CDK8: variants seen among roughly 807,000 people sequenced by gnomAD.
CDK8 encodes the protein cyclin dependent kinase 8, also known as cyclin-dependent kinase 8.
A neutral mutation model predicts 71.5 loss-of-function variants in CDK8; 29 were observed. The ratio of observed to expected loss-of-function variants is 0.41; its 90% CI spans 0.30 to 0.55. The LOEUF (loss-of-function observed/expected upper bound fraction) is 0.55, where lower values mean the gene tolerates loss of function less well. Ranked by LOEUF, CDK8 falls within the 20% of genes least tolerant of loss-of-function variation. The pLI is 0.37. For synonymous variants in CDK8, 161 were observed against 192.1 expected (o/e 0.84, Z 1.34); for missense variants, 288 against 572.6 (o/e 0.50, Z 5.07).
chr13:26,383,275 T>G (rs1875319266), intron 5 of CDK8, among the ~76,000 whole-genome samples: 1 of 152,204 alleles, frequency 6.6e-6, no homozygotes, highest in Non-Finnish European at 1.5e-5. Flanking sequence ...GTTGACCTCG[T>G]CTAGATTAGG....
chr13:26,290,440 T>G (rs1873240469), intron 1 of CDK8, among the ~76,000 whole-genome samples: 1 of 152,150 alleles, frequency 6.6e-6, no homozygotes, highest in East Asian at 1.9e-4. Context: ...CTCACCTGAT[T>G]ATAGTATGCT....
chr13:26,376,335 ATTCAGCCTTCTAGTC>A (rs1440204722), intron 4 of CDK8, among the ~76,000 whole-genome samples: 3 of 152,152 alleles, frequency 2.0e-5, no homozygotes, highest in Admixed American at 2.0e-4. Flanking sequence ...CCTTGATGTT[ATTCAGCCTTCTAGTC>A]TTCAGCTTAG....
chr13:26,305,102 A>C (rs1565965023), intron 1 of CDK8, among the ~76,000 whole-genome samples: 2 of 151,958 alleles, frequency 1.3e-5, no homozygotes, highest in African/African-American at 4.8e-5. Flanking sequence ...TCCTTTTTGG[A>C]ATTATTTTTT....
chr13:26,310,600 T>C (rs1874238631), intron 1 of CDK8, among the ~76,000 whole-genome samples: 1 of 152,132 alleles, frequency 6.6e-6, no homozygotes, highest in South Asian at 2.1e-4. Flanking sequence ...TATGAGAATC[T>C]AATGTCGCTA....
chr13:26,381,043 C>T (rs1875201963), intron 4 of CDK8, among the ~76,000 whole-genome samples: 1 of 152,062 alleles, frequency 6.6e-6, no homozygotes, highest in Admixed American at 6.5e-5. Context: ...GAAAATGACC[C>T]TGGCAGCAGG....
rs1175385651 is a variant in CDK8 at position 26,404,463 on chromosome 13, C to G, written c.*382C>G. 3.8e-6 allele frequency: 1 copy of G among 262,552 alleles called. No individual in the cohort carries two copies. Among genetic ancestry groups the G allele is most frequent in the Non-Finnish European group, 7.4e-6 (1 of 135,398 alleles). The allele number at this position is 262,552 out of a possible 1,614,324, so 16.3% of individuals were successfully genotyped here. On this transcript the variant is annotated 3_prime_UTR_variant, in exon 13 of 13. Coordinates refer to ENST00000381527, the MANE Select transcript of CDK8 (RefSeq NM_001260.3). Reference sequence around the variant, plus strand: ...TTTTCAGTGTAACAACATTATCTGACCAATAGTACACACACAGACACAAAG... The same window carrying G: ...TTTTCAGTGTAACAACATTATCTGAGCAATAGTACACACACAGACACAAAG...
rs1874021988 is a variant in CDK8 at position 26,359,119 on chromosome 13, A to T, written c.456+5239A>T. ...GACATTATACTAAGTGAAATAAGCT[A>T]GTCACAAAAGGATAAGTACCATATG... On this transcript the variant is annotated intron_variant, in intron 4 of 12. Coordinates refer to ENST00000381527, the MANE Select transcript of CDK8 (RefSeq NM_001260.3). 3.0e-5 allele frequency: 6 copies of T among 201,576 alleles called. 1 individual carries two copies. The South Asian group carries it at 4.0e-4, about 13-fold the overall frequency. The allele number at this position is 201,576 out of a possible 1,614,324, so 12.5% of individuals were successfully genotyped here.
At chr13:26,386,152 C>A (rs1162384381) in intron 6 of CDK8, among the ~76,000 whole-genome samples, 1 of 152,170 alleles carries the variant, frequency 6.6e-6, no homozygotes, top group Non-Finnish European at 1.5e-5. Flanking sequence ...CCCCTACCAA[C>A]CTCTCAATCT....
intron 1 of CDK8, among the ~76,000 whole-genome samples, chr13:26,285,488 AC>A (rs1872967069): frequency 1.3e-5 from 2 of 152,338 alleles, no homozygotes; most frequent in Admixed American, 6.5e-5. Flanking sequence ...GAAGGGAGAT[AC>A]CTCGAAGTAA....
intron 1 of CDK8, among the ~76,000 whole-genome samples, chr13:26,301,101 A>C (rs147702495): frequency 4.6e-5 from 7 of 151,568 alleles, no homozygotes; most frequent in Middle Eastern, 3.2e-3. Context: ...AGTCCTTTTC[A>C]CTTCTGCAGC....
chr13:26,308,074 A>G (rs793127), intron 1 of CDK8, among the ~76,000 whole-genome samples: 151,978 of 152,378 alleles, frequency 1, 75,791 homozygotes, highest in Middle Eastern at 1. Context: ...TTTATTTCTG[A>G]CTTATCCTTA....
At chr13:26,320,657 TAGAG>T (rs1874732066) in intron 1 of CDK8, among the ~76,000 whole-genome samples, 1 of 152,026 alleles carries the variant, frequency 6.6e-6, no homozygotes, top group Non-Finnish European at 1.5e-5. Flanking sequence ...CCAGAATAAA[TAGAG>T]AGCTCCTGGA....
intron 2 of CDK8, among the ~76,000 whole-genome samples, chr13:26,338,026 A>G (rs903280340): frequency 2.0e-5 from 3 of 152,056 alleles, no homozygotes; most frequent in African/African-American, 7.2e-5. Flanking sequence ...AGGTTGTATT[A>G]TTTGATTTTC....
At position 26,286,843 on chromosome 13, in the gene CDK8, C is replaced by T. The variant is rs145619898; in HGVS notation, c.128+32074C>T. ...ATCCCATCAAAAAGTGGGCAAGGGA[C>T]ATGAATAGACAGTTCTCAAAAGAAA... On this transcript the variant is annotated intron_variant, in intron 1 of 12. Transcript: ENST00000381527. 4.0e-3 allele frequency among the ~76,000 whole-genome samples: 605 copies of T among 152,210 alleles called. 7 individuals carry two copies. The highest frequency in any genetic ancestry group is 0.014 in the African/African-American group (570 of 41,522).
intron 1 of CDK8, among the ~76,000 whole-genome samples, chr13:26,336,043 G>A (rs910155874): frequency 9.9e-5 from 15 of 152,060 alleles, no homozygotes; most frequent in South Asian, 4.2e-4. Flanking sequence ...ATCTCTAGTT[G>A]TATACAGTAT....
At chr13:26,347,144 A>AT (rs1270440018) in intron 2 of CDK8, among the ~76,000 whole-genome samples, 15 of 152,132 alleles carry the variant, frequency 9.9e-5, no homozygotes, top group Non-Finnish European at 8.8e-5. Flanking sequence ...TTGTTAGGCC[A>AT]CTTTGGTTAT....
At chr13:26,341,489 A>G (rs1339777951) in intron 2 of CDK8, among the ~76,000 whole-genome samples, 1 of 152,186 alleles carries the variant, frequency 6.6e-6, no homozygotes, top group African/African-American at 2.4e-5. Flanking sequence ...AGGTTTAAAT[A>G]TATTGAAATA....
chr13:26,372,122 A>C (rs1177536450), intron 4 of CDK8, among the ~76,000 whole-genome samples: 2 of 152,228 alleles, frequency 1.3e-5, no homozygotes, highest in Admixed American at 1.3e-4. Context: ...ATGCATGGTA[A>C]GTATTGACAA....
At chr13:26,321,863 A>G (rs1874791547) in intron 1 of CDK8, among the ~76,000 whole-genome samples, 1 of 152,094 alleles carries the variant, frequency 6.6e-6, no homozygotes, top group African/African-American at 2.4e-5. Context: ...TTACATGTGC[A>G]TACATATATG....
Sources: gnomAD v4.1 joint callset for allele counts (sites outside exome capture counted in the v4.1 genomes callset) on GRCh38, gnomAD v4.1.1 for gene constraint, MANE v1.5 for transcripts, NCBI Gene and HGNC (gene_info 2026-07-23, HGNC 2026-07-21) for gene names.